The following LRFN5 variants were observed in gnomAD, a reference collection of about 807,000 sequenced individuals.
LRFN5 encodes the protein leucine-rich repeat and fibronectin type-III domain-containing protein 5.
LRFN5 carries 24 observed loss-of-function variants against 45.6 expected under a neutral mutation model. The observed-to-expected ratio is 0.53, with a 90% CI of 0.38 to 0.74. LRFN5 has a LOEUF of 0.74. Ranked by LOEUF, LRFN5 falls within the 30% of genes least tolerant of loss-of-function variation. The pLI, the probability that LRFN5 is intolerant of heterozygous loss-of-function variation, is 0.00. For synonymous variants in LRFN5, 340 were observed against 313.8 expected, an observed-to-expected ratio of 1.08 and a Z score of -0.88; for missense variants, 776 against 861.5, an observed-to-expected ratio of 0.90 and a Z score of 1.24.
At chr14:41,890,474 G>C (rs1185183360) in intron 3 of LRFN5, among the ~76,000 whole-genome samples, 1 of 151,644 alleles carries the variant, frequency 6.6e-6, no homozygotes, top group Non-Finnish European at 1.5e-5. Flanking sequence ...TTGGGAGGCA[G>C]AGGCGGGCGG....
chr14:41,892,562 C>A, intron 4 of LRFN5: 1 of 979,338 alleles, frequency 1.0e-6, no homozygotes, highest in Non-Finnish European at 1.2e-6. Flanking sequence ...TGTATATTTT[C>A]TTTCAATGGT....
chr14:41,819,533 T>G lies in LRFN5; in HGVS notation c.-21+52504T>G, dbSNP rs187441164. 1.6e-3 allele frequency among the ~76,000 whole-genome samples: 237 copies of G among 152,188 alleles called. 1 individual carries two copies. The highest frequency in any genetic ancestry group is 2.5e-3 in the Admixed American group (38 of 15,254). On this transcript the variant is annotated intron_variant, in intron 2 of 5. Transcript: ENST00000298119. ...GAGACTGGATAATTTTTATAGAAAA[T>G]AGGTTTAATTGGTCACAGTTCTGCA...
At chr14:41,725,033 T>C (rs1163586747) in intron 1 of LRFN5, among the ~76,000 whole-genome samples, 4 of 152,206 alleles carry the variant, frequency 2.6e-5, no homozygotes, top group African/African-American at 9.7e-5. Context: ...ACCACTAGGA[T>C]ATTTTGCCTT....
intron 2 of LRFN5, among the ~76,000 whole-genome samples, chr14:41,790,301 G>C (rs1048295062): frequency 1.3e-5 from 2 of 151,560 alleles, no homozygotes; most frequent in Non-Finnish European, 3.0e-5. Context: ...CATTCTGGAT[G>C]GAATTCCTAT....
chr14:41,788,756 A>G (rs1383446531), intron 2 of LRFN5, among the ~76,000 whole-genome samples: 1 of 151,996 alleles, frequency 6.6e-6, no homozygotes, highest in Non-Finnish European at 1.5e-5. Context: ...TCTTTGATTT[A>G]TCACTTTTCC....
At position 41,891,945 on chromosome 14, in the gene LRFN5, G is replaced by C; in HGVS notation, c.2081G>C (p.Arg694Thr). ...GTCACAGAGGGGCCCACGTCTAAAA[G>C]AGCACATATAAAGCCAAGTAAGTTT... ...DSVTEGPTSKRAHIKPNALLT... is the reference protein window; with the variant it reads ...DSVTEGPTSKTAHIKPNALLT... Residue 694 changes from arginine to threonine, a missense_variant, in exon 4 of 6, where the codon AGA becomes ACA. This residue lies in a region of LRFN5 where 465 missense variants were observed against 456.4 expected (regional missense o/e 1.02). Transcript: ENST00000298119. The C allele has an allele frequency of 1.9e-6, 3 of 1,613,352 alleles. No individual in the cohort carries two copies. The highest frequency in any genetic ancestry group is 2.5e-6 in the Non-Finnish European group (3 of 1,179,866).
chr14:41,753,808 A>C (rs1250429629), intron 1 of LRFN5, among the ~76,000 whole-genome samples: 2 of 152,148 alleles, frequency 1.3e-5, no homozygotes, highest in Non-Finnish European at 2.9e-5. Flanking sequence ...ACTATGTTGA[A>C]TAGGAGTGGT....
chr14:41,738,356 T>A (rs546049556), intron 1 of LRFN5, among the ~76,000 whole-genome samples: 50 of 152,248 alleles, frequency 3.3e-4, no homozygotes, highest in Non-Finnish European at 5.6e-4. Context: ...CAAGATGGAT[T>A]AAAGACTTAA....
intron 1 of LRFN5, among the ~76,000 whole-genome samples, chr14:41,703,283 C>T (rs996050129): frequency 6.6e-6 from 1 of 152,114 alleles, no homozygotes; most frequent in Non-Finnish European, 1.5e-5. Context: ...TATAAGGACA[C>T]ATTTAGTAAA....
At chr14:41,839,377 G>A (rs1013443567) in intron 2 of LRFN5, among the ~76,000 whole-genome samples, 5 of 151,966 alleles carry the variant, frequency 3.3e-5, no homozygotes, top group African/African-American at 9.7e-5. Context: ...AACATTGTTG[G>A]TATTCAGAAA....
At chr14:41,842,223 G>T (rs1346734309) in intron 2 of LRFN5, among the ~76,000 whole-genome samples, 2 of 152,062 alleles carry the variant, frequency 1.3e-5, no homozygotes, top group African/African-American at 4.8e-5. Context: ...ATTGCATTGA[G>T]ATTATCACAA....
At chr14:41,775,261 T>C (rs964990814) in intron 2 of LRFN5, among the ~76,000 whole-genome samples, 8 of 151,900 alleles carry the variant, frequency 5.3e-5, no homozygotes, top group South Asian at 4.2e-4. Context: ...CGGCTAATTT[T>C]TTGTGTTTTT....
chr14:41,657,391 A>C (rs1880428916), intron 1 of LRFN5, among the ~76,000 whole-genome samples: 1 of 151,922 alleles, frequency 6.6e-6, no homozygotes, highest in African/African-American at 2.4e-5. Context: ...TTTTATCTTG[A>C]ATGATGTAAA....
chr14:41,694,610 T>C (rs902066192), intron 1 of LRFN5, among the ~76,000 whole-genome samples: 5 of 152,030 alleles, frequency 3.3e-5, no homozygotes, highest in East Asian at 3.8e-4. Context: ...TTCACAGATA[T>C]TCTTTTTTAT....
At chr14:41,880,660 T>A (rs907783721) in intron 2 of LRFN5, among the ~76,000 whole-genome samples, 2 of 152,188 alleles carry the variant, frequency 1.3e-5, no homozygotes, top group African/African-American at 4.8e-5. Flanking sequence ...GCTGTGTAAA[T>A]CTTTTATAGC....
At chr14:41,749,702 T>C (rs927173150) in intron 1 of LRFN5, among the ~76,000 whole-genome samples, 2 of 152,118 alleles carry the variant, frequency 1.3e-5, no homozygotes, top group African/African-American at 2.4e-5. Flanking sequence ...AAGATCACTA[T>C]TGGATATTGG....
At chr14:41,761,381 A>G (rs1275825663) in intron 1 of LRFN5, among the ~76,000 whole-genome samples, 1 of 152,142 alleles carries the variant, frequency 6.6e-6, no homozygotes, top group African/African-American at 2.4e-5. Flanking sequence ...CGGTATGTAG[A>G]TAAAAAGTGA....
At position 41,828,971 on chromosome 14, in the gene LRFN5, A is replaced by G. The variant is rs117112540; in HGVS notation, c.-20-57635A>G. The stretch of plus-strand genomic sequence containing the variant: ...GATATTACACATAATGTCTTTTCTT[A>G]TAATAATCTTCCCTCTCTCTTCATT... On this transcript the variant is annotated intron_variant, in intron 2 of 5. Coordinates refer to ENST00000298119, the MANE Select transcript of LRFN5 (RefSeq NM_152447.5). Among the ~76,000 whole-genome samples, 481 of 151,974 alleles carry G rather than the reference A, an allele frequency of 3.2e-3. 7 individuals carry two copies. In the East Asian group the frequency reaches 0.036, roughly 11 times the overall value.
chr14:41,765,355 G>GA (rs34981709), intron 1 of LRFN5, among the ~76,000 whole-genome samples: 1,714 of 124,858 alleles, frequency 0.014, 34 homozygotes, highest in African/African-American at 0.04. Flanking sequence ...AAAAAAGGAG[G>GA]AAAAAAAAAA....
Sources: allele counts gnomAD v4.1 joint callset (sites outside exome capture counted in the v4.1 genomes callset), GRCh38; gene constraint gnomAD v4.1.1; regional missense constraint gnomAD v4.1.1; transcripts MANE v1.5; gene names NCBI Gene and HGNC (gene_info 2026-07-23, HGNC 2026-07-21).